TTC3: variants seen among roughly 807,000 people sequenced by gnomAD.
TTC3 encodes the protein E3 ubiquitin-protein ligase TTC3.
TTC3 carries 180 observed loss-of-function variants against 249.6 expected under a neutral mutation model. The observed-to-expected ratio is 0.72, with a 90% CI of 0.64 to 0.82. The LOEUF (loss-of-function observed/expected upper bound fraction) is 0.82. Ranked by LOEUF, TTC3 falls within the 40% of genes least tolerant of loss-of-function variation. TTC3 has a pLI of 0.00. For synonymous variants in TTC3, 717 were observed against 805.0 expected (o/e 0.89, Z 1.85); for missense variants, 2,061 against 2,398.4 (o/e 0.86, Z 2.94).
intron 10 of TTC3, among the ~76,000 whole-genome samples, chr21:37,100,589 A>G (rs2074383807): frequency 6.6e-6 from 1 of 152,132 alleles, no homozygotes; most frequent in African/African-American, 2.4e-5. Context: ...CTTTTGGGTG[A>G]ATATAAGTTA....
chr21:37,157,125 T>C, intron 28 of TTC3: 3 of 1,429,602 alleles, frequency 2.1e-6, no homozygotes, highest in Non-Finnish European at 2.8e-6. Flanking sequence ...TGTAGGTATG[T>C]TATGCTAACA....
exon 8 of TTC3, chr21:37,094,083 G>A (rs1292638827): frequency 1.7e-5 from 26 of 1,570,592 alleles, no homozygotes; most frequent in Non-Finnish European, 2.1e-5. Flanking sequence ...TGTATGGATT[G>A]TATAGAGGTG....
At chr21:37,108,747 G>C (rs185682550) in intron 11 of TTC3, among the ~76,000 whole-genome samples, 2 of 152,224 alleles carry the variant, frequency 1.3e-5, no homozygotes, top group East Asian at 3.9e-4. Flanking sequence ...CTTAAAACTG[G>C]GGAGGAAGTA....
chr21:37,099,273 A>C (rs192346711), intron 10 of TTC3, among the ~76,000 whole-genome samples: 26 of 152,356 alleles, frequency 1.7e-4, no homozygotes, highest in Admixed American at 7.2e-4. Context: ...CAACATGGTT[A>C]TCACTGTTCT....
At chr21:37,088,474 G>T in intron 4 of TTC3, 128 bp downstream of exon 4, 1 of 1,208,582 alleles carries the variant, frequency 8.3e-7, no homozygotes, top group South Asian at 1.7e-5. Context: ...GTGTAATAGG[G>T]TGGAAAAAAC....
At position 37,138,694 on chromosome 21, in the gene TTC3, C is replaced by T. The variant is rs1039835777; in HGVS notation, c.1639C>T (p.Leu547Phe). 4 of 1,611,442 alleles carry T rather than the reference C, an allele frequency of 2.5e-6. No individual in the cohort carries two copies. The African/African-American group carries it at 5.3e-5, about 22-fold the overall frequency. ...CGTCTATGGACTTGCCATTTCTCTC[C>T]TTGGAATAGGACAGCCTGAGGTAAG... is the stretch of plus-strand genomic sequence containing the variant. The change falls in exon 19 of 46, where the codon CTT (leucine) becomes TTT (phenylalanine). Residue 547 changes from leucine (L) to phenylalanine (F), a missense_variant. Leu to Phe is a conservative substitution (Grantham distance 22). This residue lies in a region of TTC3 where 989 missense variants were observed against 1,145.1 expected (regional missense o/e 0.86). Transcript: ENST00000355666.
chr21:37,129,384 C>T (rs1471066810), intron 16 of TTC3, among the ~76,000 whole-genome samples: 1 of 152,164 alleles, frequency 6.6e-6, no homozygotes, highest in African/African-American at 2.4e-5. Flanking sequence ...AAGCCTCCTT[C>T]CCTGCTCACC....
intron 1 of TTC3, among the ~76,000 whole-genome samples, chr21:37,081,444 A>G (rs1225629690): frequency 2.6e-5 from 4 of 151,830 alleles, no homozygotes; most frequent in Admixed American, 2.0e-4. Context: ...AGAAAATATC[A>G]TTTTTCTTTT....
At chr21:37,129,670 A>G (rs1225062497) in intron 16 of TTC3, among the ~76,000 whole-genome samples, 2 of 152,012 alleles carry the variant, frequency 1.3e-5, no homozygotes, top group Non-Finnish European at 2.9e-5. Context: ...TTGCTCTATC[A>G]CTTAGGCTGC....
intron 1 of TTC3, among the ~76,000 whole-genome samples, chr21:37,081,096 G>A (rs1326647261): frequency 8.3e-6 from 1 of 120,098 alleles, no homozygotes; most frequent in Non-Finnish European, 1.7e-5. Flanking sequence ...TGTGCTGCCA[G>A]TTTTATTTAT....
intron 31 of TTC3, among the ~76,000 whole-genome samples, chr21:37,162,538 A>G (rs1363098765): frequency 6.6e-6 from 1 of 152,216 alleles, no homozygotes; most frequent in Admixed American, 6.5e-5. Flanking sequence ...CAATAAACAA[A>G]TATTTAAGAA....
intron 7 of TTC3, among the ~76,000 whole-genome samples, chr21:37,093,105 C>T (rs1306758126): frequency 2.0e-5 from 3 of 152,110 alleles, no homozygotes; most frequent in Non-Finnish European, 4.4e-5. Context: ...TCGCTGGGCG[C>T]GGTGGCTCAC....
At chr21:37,079,517 G>T (rs1439918829) in intron 1 of TTC3, among the ~76,000 whole-genome samples, 1 of 91,230 alleles carries the variant, frequency 1.1e-5, no homozygotes. Flanking sequence ...TTATGGTATG[G>T]TTTTTTTTTT....
chr21:37,150,781 G>A lies in TTC3; in HGVS notation c.2212-39G>A, dbSNP rs568132305. 8.9e-5 allele frequency: 125 copies of A among 1,409,252 alleles called. No individual in the cohort carries two copies. In the East Asian group the frequency reaches 2.8e-3, roughly 31 times the overall value. 87.3% of individuals were successfully genotyped at this position (1,409,252 alleles called of 1,614,324 possible). The stretch of plus-strand genomic sequence containing the variant: ...TGGTTTTGTGTTTTATGTCATGGGA[G>A]TATGAGACAAATTTTGGATGTCTTT... On this transcript the variant is annotated intron_variant, in intron 24 of 45. Coordinates refer to ENST00000355666, the Ensembl canonical transcript of TTC3.
At chr21:37,100,417 A>G (rs1026105643) in intron 10 of TTC3, among the ~76,000 whole-genome samples, 3 of 152,212 alleles carry the variant, frequency 2.0e-5, no homozygotes, top group African/African-American at 7.2e-5. Context: ...AATGATCTTG[A>G]AAAGAGAAAT....
At chr21:37,176,646 A>G (rs2082306746) in intron 35 of TTC3, among the ~76,000 whole-genome samples, 1 of 152,200 alleles carries the variant, frequency 6.6e-6, no homozygotes, top group East Asian at 1.9e-4. Flanking sequence ...TGAAGCTCCT[A>G]CTATGTGCCA....
intron 18 of TTC3, among the ~76,000 whole-genome samples, chr21:37,136,940 A>G (rs1187307462): frequency 6.6e-6 from 1 of 152,228 alleles, no homozygotes; most frequent in African/African-American, 2.4e-5. Flanking sequence ...CAGGCCCTTA[A>G]GAATTATGCT....
chr21:37,182,970 G>C (rs1250131422), intron 36 of TTC3, 57 bp downstream of exon 36: 1 of 1,371,304 alleles, frequency 7.3e-7, no homozygotes, highest in East Asian at 2.6e-5. Context: ...TGTGGCTTTT[G>C]GTTATTTTCA....
chr21:37,189,327 C>A (rs576372404), intron 39 of TTC3, among the ~76,000 whole-genome samples: 111 of 151,316 alleles, frequency 7.3e-4, no homozygotes, highest in Admixed American at 1.5e-3. Context: ...CTCACTGCAA[C>A]CTCTGCCTCC....
Sources: gnomAD v4.1 joint callset for allele counts (sites outside exome capture counted in the v4.1 genomes callset) on GRCh38, gnomAD v4.1.1 for gene constraint, gnomAD v4.1.1 regional missense constraint, MANE v1.5 for transcripts, NCBI Gene and HGNC (gene_info 2026-07-23, HGNC 2026-07-21) for gene names.